PTPRK: variants seen among roughly 807,000 people sequenced by gnomAD.
PTPRK encodes receptor-type tyrosine-protein phosphatase kappa.
A neutral mutation model predicts 178.0 loss-of-function variants in PTPRK; 75 were observed. The ratio of observed to expected loss-of-function variants is 0.42; its 90% CI spans 0.35 to 0.51. The LOEUF is 0.51. Among genes scored for constraint, PTPRK ranks in the 20% least tolerant of loss-of-function variants. The pLI, the probability that PTPRK is intolerant of heterozygous loss-of-function variation, is 0.02. For synonymous variants in PTPRK, 637 were observed against 620.6 expected (o/e 1.03, Z -0.39); for missense variants, 1,441 against 1,797.8 (o/e 0.80, Z 3.59).
At chr6:128,212,490 C>G (rs1358133937) in intron 6 of PTPRK, among the ~76,000 whole-genome samples, 3 of 151,982 alleles carry the variant, frequency 2.0e-5, no homozygotes, top group Non-Finnish European at 4.4e-5. Context: ...ATAGGAGTCC[C>G]TTGGTAGACG....
At chr6:128,445,293 TTA>T (rs1362777828) in intron 1 of PTPRK, among the ~76,000 whole-genome samples, 2 of 130,012 alleles carry the variant, frequency 1.5e-5, no homozygotes, top group Non-Finnish European at 3.3e-5. Flanking sequence ...TAATAGTATA[TTA>T]TATAAATACT....
chr6:128,199,571 G>C (rs1007688695), intron 6 of PTPRK, among the ~76,000 whole-genome samples: 3 of 138,468 alleles, frequency 2.2e-5, no homozygotes, highest in East Asian at 5.3e-4. Flanking sequence ...TATCAAGGAA[G>C]GAAGGGAGGG....
In PTPRK at chr6:128,467,440, G is replaced by C. The variant is rs536665867; in HGVS notation, c.100+52819C>G. Among the ~76,000 whole-genome samples the C allele has an allele frequency of 6.6e-5, 10 of 152,314 alleles. No homozygotes were observed. The East Asian group carries it at 1.9e-3, about 29-fold the overall frequency. On this transcript the variant is annotated intron_variant, in intron 1 of 29. Transcript: ENST00000368226. ...CAAATGTTCACTTCCAGTGAGTTTAGATATCCACTCCCAGAAGAACTACAT... is the reference window on the plus strand; with the variant it reads ...CAAATGTTCACTTCCAGTGAGTTTACATATCCACTCCCAGAAGAACTACAT...
chr6:128,269,128 C>CT (rs1819394928), intron 3 of PTPRK, among the ~76,000 whole-genome samples: 1 of 151,914 alleles, frequency 6.6e-6, no homozygotes, highest in African/African-American at 2.4e-5. Context: ...TACCTAAGTA[C>CT]TTAAATTATG....
intron 2 of PTPRK, among the ~76,000 whole-genome samples, chr6:128,380,817 T>A (rs146180405): frequency 6.6e-6 from 1 of 152,156 alleles, no homozygotes; most frequent in African/African-American, 2.4e-5. Context: ...CAAGAATTCG[T>A]AGCTAACAAT....
At chr6:128,346,550 A>C (rs1832460571) in intron 2 of PTPRK, among the ~76,000 whole-genome samples, 1 of 152,150 alleles carries the variant, frequency 6.6e-6, no homozygotes, top group Admixed American at 6.5e-5. Flanking sequence ...TTAGTTGCCT[A>C]ACAAATTAAT....
At chr6:128,444,067 G>A (rs1461047119) in intron 1 of PTPRK, among the ~76,000 whole-genome samples, 1 of 152,088 alleles carries the variant, frequency 6.6e-6, no homozygotes, top group African/African-American at 2.4e-5. Flanking sequence ...TGGCCAGGCT[G>A]GTCTTGAACT....
At chr6:128,097,269 C>G (rs1258663144) in intron 7 of PTPRK, among the ~76,000 whole-genome samples, 1 of 152,144 alleles carries the variant, frequency 6.6e-6, no homozygotes, top group Non-Finnish European at 1.5e-5. Flanking sequence ...GGATGGCTCA[C>G]TCAGCTCTCC....
At chr6:128,426,722 A>G (rs1389032133) in intron 1 of PTPRK, among the ~76,000 whole-genome samples, 1 of 152,234 alleles carries the variant, frequency 6.6e-6, no homozygotes, top group Non-Finnish European at 1.5e-5. Flanking sequence ...TGGCTTTTCT[A>G]TAACCCATGT....
At chr6:128,236,627 G>C (rs1045650619) in intron 5 of PTPRK, among the ~76,000 whole-genome samples, 2 of 152,042 alleles carry the variant, frequency 1.3e-5, no homozygotes, top group East Asian at 3.9e-4. Context: ...GATTACAGGC[G>C]TGAGCCACTG....
intron 5 of PTPRK, among the ~76,000 whole-genome samples, chr6:128,236,296 T>C (rs781283693): frequency 6.6e-6 from 1 of 150,904 alleles, no homozygotes; most frequent in African/African-American, 2.4e-5. Context: ...AATTGAAAAA[T>C]AATCTGGAAG....
intron 2 of PTPRK, among the ~76,000 whole-genome samples, chr6:128,392,607 T>C (rs2128365370): frequency 6.6e-6 from 1 of 152,234 alleles, no homozygotes; most frequent in Non-Finnish European, 1.5e-5. Context: ...ACAAACAATG[T>C]CAAGAACACA....
At chr6:128,192,708 C>T (rs889303725) in intron 6 of PTPRK, among the ~76,000 whole-genome samples, 2 of 151,530 alleles carry the variant, frequency 1.3e-5, no homozygotes, top group Non-Finnish European at 2.9e-5. Context: ...CCCAGCTACT[C>T]GGGAGGCTGA....
intron 13 of PTPRK, among the ~76,000 whole-genome samples, chr6:128,042,127 C>T (rs6928496): frequency 0.22 from 33,265 of 151,882 alleles, 4,730 homozygotes; most frequent in African/African-American, 0.4. Flanking sequence ...GTATTTCTAA[C>T]AGTCTGTTGA....
intron 3 of PTPRK, among the ~76,000 whole-genome samples, chr6:128,292,882 A>G (rs533530460): frequency 2.2e-4 from 33 of 152,104 alleles, no homozygotes; most frequent in Non-Finnish European, 3.8e-4. Flanking sequence ...TTATTCCAAC[A>G]CCTAAATGAA....
At chr6:128,343,166 G>A (rs996840527) in intron 2 of PTPRK, among the ~76,000 whole-genome samples, 5 of 152,002 alleles carry the variant, frequency 3.3e-5, no homozygotes, top group South Asian at 2.1e-4. Context: ...TCTGGATATC[G>A]TAACGCAGTA....
intron 3 of PTPRK, among the ~76,000 whole-genome samples, chr6:128,258,373 T>C (rs936242970): frequency 1.3e-5 from 2 of 152,140 alleles, no homozygotes; most frequent in Non-Finnish European, 2.9e-5. Flanking sequence ...CATGCATGGT[T>C]TAACTGGCTA....
At position 128,260,618 on chromosome 6, in the gene PTPRK, C is replaced by T. The variant is rs539135999; in HGVS notation, c.496-18016G>A. ...TTCTTGAAGATGCTTGTATAATGTC[C>T]ATTTATGAAAGCAGTTTCCTAATCT... On this transcript the variant is annotated intron_variant, in intron 3 of 29. Transcript: ENST00000368226. Among the ~76,000 whole-genome samples the T allele has an allele frequency of 2.6e-5, 4 of 152,256 alleles. No individual in the cohort carries two copies. The East Asian group carries it at 5.8e-4, about 22-fold the overall frequency.
chr6:128,344,131 A>G (rs1430768477), intron 2 of PTPRK, among the ~76,000 whole-genome samples: 2 of 152,182 alleles, frequency 1.3e-5, no homozygotes, highest in African/African-American at 4.8e-5. Flanking sequence ...CTAGTATCTC[A>G]GCAATACTGC....
Sources: gnomAD v4.1 joint callset for allele counts (sites outside exome capture counted in the v4.1 genomes callset) on GRCh38, gnomAD v4.1.1 for gene constraint, MANE v1.5 for transcripts, NCBI Gene and HGNC (gene_info 2026-07-23, HGNC 2026-07-21) for gene names.